XPNPEP3: variants seen among roughly 807,000 people sequenced by gnomAD.
XPNPEP3 encodes X-prolyl aminopeptidase 3.
In XPNPEP3, 41 loss-of-function variants were observed where a neutral mutation model predicts 60.0. The ratio of observed to expected loss-of-function variants is 0.68; its 90% CI spans 0.53 to 0.89. The LOEUF (loss-of-function observed/expected upper bound fraction) is 0.89, where lower values mean the gene tolerates loss of function less well. XPNPEP3 is among the 40% of genes least tolerant of loss of function. The pLI, the probability that XPNPEP3 is intolerant of heterozygous loss-of-function variation, is 0.00. For missense variants in XPNPEP3, 598 were observed against 638.9 expected (o/e 0.94, Z 0.69); for synonymous variants, 212 against 223.2 (o/e 0.95, Z 0.45).
chr22:40,869,137 A>G (rs1424892921), intron 2 of XPNPEP3, 22 bp downstream of exon 2: 12 of 1,587,042 alleles, frequency 7.6e-6, no homozygotes, highest in East Asian at 2.2e-5. Context: ...TAACTGTGCT[A>G]TCTCCCCATT....
Position 40,913,557 on chromosome 22 carries a change from CTT to C in XPNPEP3, c.970-681_970-680del, listed in dbSNP as rs538126053. ...AACGTATATAGGATTGTTTTTTTCT[CTT>C]GTTTCATAAAGCAAAGGCATATGGG... On this transcript the variant is annotated intron_variant, in intron 6 of 9. Coordinates refer to ENST00000357137, the MANE Select transcript of XPNPEP3 (RefSeq NM_022098.4). 2.4e-3 allele frequency among the ~76,000 whole-genome samples: 369 copies of C among 151,082 alleles called. 1 individual carries two copies. Among genetic ancestry groups the C allele is most frequent in the Non-Finnish European group, 4.7e-3 (317 of 67,870 alleles).
intron 2 of XPNPEP3, among the ~76,000 whole-genome samples, chr22:40,877,636 G>A (rs1296306956): frequency 6.6e-6 from 1 of 152,102 alleles, no homozygotes; most frequent in Non-Finnish European, 1.5e-5. Flanking sequence ...GCTTTCGATT[G>A]GCTCAATAAA....
chr22:40,863,906 C>T (rs1014190696), intron 1 of XPNPEP3, among the ~76,000 whole-genome samples: 7 of 152,154 alleles, frequency 4.6e-5, no homozygotes, highest in African/African-American at 7.2e-5. Flanking sequence ...ATTTCTCGGA[C>T]TAGGACTTAA....
Position 40,929,607 on chromosome 22 carries a change from G to GT in XPNPEP3, c.*3174dup, listed in dbSNP as rs1483608028. On this transcript the variant is annotated 3_prime_UTR_variant, in exon 10 of 10. Coordinates refer to ENST00000357137, the MANE Select transcript of XPNPEP3 (RefSeq NM_022098.4). ...TAGATTCCAGTCAAGTTCTATAGGT[G>GT]TTATTGGTAGGCAGAAAGGCTGTTG... 6.6e-6 allele frequency: 1 copy of GT among 152,190 alleles called. No homozygotes were observed. Among genetic ancestry groups the GT allele is most frequent in the African/African-American group, 2.4e-5 (1 of 41,438 alleles). The allele number at this position is 152,190 out of a possible 1,614,324, so 9.4% of individuals were successfully genotyped here.
At chr22:40,868,636 C>G (rs1448813753) in intron 1 of XPNPEP3, among the ~76,000 whole-genome samples, 1 of 152,086 alleles carries the variant, frequency 6.6e-6, no homozygotes, top group African/African-American at 2.4e-5. Flanking sequence ...GGGCGGATCA[C>G]TTGAGGTCAA....
intron 4 of XPNPEP3, among the ~76,000 whole-genome samples, chr22:40,889,790 C>T (rs2146256815): frequency 6.6e-6 from 1 of 152,332 alleles, no homozygotes; most frequent in Non-Finnish European, 1.5e-5. Context: ...TATCACATCA[C>T]TGCACTCCAG....
chr22:40,893,346 A>G (rs970180129), intron 4 of XPNPEP3, among the ~76,000 whole-genome samples: 101 of 150,060 alleles, frequency 6.7e-4, no homozygotes, highest in African/African-American at 2.4e-3. Context: ...AGTCTCTACT[A>G]AAATACAAAA....
In XPNPEP3 at chr22:40,857,196, C is replaced by T. The variant is rs763190598; in HGVS notation, c.15C>T (p.Leu5=). Residue 5 remains leucine (L), a synonymous_variant, in exon 1 of 10, where the codon CTC becomes CTT. Coordinates refer to ENST00000357137, the MANE Select transcript of XPNPEP3 (RefSeq NM_022098.4). MPWL[L]SAPKLVPAVA... Reference sequence around the variant, plus strand: ...GTTAGGCCGTAATGCCTTGGCTGCTCTCAGCCCCCAAGCTGGTTCCCGCTG... The same window carrying T: ...GTTAGGCCGTAATGCCTTGGCTGCTTTCAGCCCCCAAGCTGGTTCCCGCTG... The T allele has an allele frequency of 3.1e-6, 5 of 1,614,112 alleles. No homozygotes were observed. The highest frequency in any genetic ancestry group is 1.7e-5 in the Admixed American group (1 of 60,012).
At chr22:40,884,244 T>C (rs1301010100) in intron 3 of XPNPEP3, among the ~76,000 whole-genome samples, 1 of 152,208 alleles carries the variant, frequency 6.6e-6, no homozygotes, top group Non-Finnish European at 1.5e-5. Flanking sequence ...TTGCTACTTG[T>C]CATGTTCTAC....
At chr22:40,905,397 T>C (rs559326376) in intron 4 of XPNPEP3, among the ~76,000 whole-genome samples, 1 of 152,202 alleles carries the variant, frequency 6.6e-6, no homozygotes, top group South Asian at 2.1e-4. Flanking sequence ...TGATTTTAAT[T>C]GTTCATTATC....
intron 2 of XPNPEP3, among the ~76,000 whole-genome samples, chr22:40,872,480 C>T (rs1255631485): frequency 1.3e-5 from 2 of 149,634 alleles, no homozygotes; most frequent in South Asian, 2.1e-4. Context: ...GACGGAATTT[C>T]GCTCTTGTCG....
chr22:40,885,619 C>T (rs2146253497), intron 3 of XPNPEP3, among the ~76,000 whole-genome samples: 1 of 152,254 alleles, frequency 6.6e-6, no homozygotes, highest in African/African-American at 2.4e-5. Flanking sequence ...GTTTTTCTGT[C>T]CTTCTGTGTG....
In XPNPEP3 at chr22:40,868,852, A is replaced by T. The variant is rs923781402; in HGVS notation, c.65-147A>T. Reference sequence around the variant, plus strand: ...CAGAGTGAGACTCTGTCTTAAAAAAAAAATAAATGAATATTGAAGGAGAGA... The same window carrying T: ...CAGAGTGAGACTCTGTCTTAAAAAATAAATAAATGAATATTGAAGGAGAGA... On this transcript the variant is annotated intron_variant, in intron 1 of 9. Transcript: ENST00000357137. 8 of 680,064 alleles carry T rather than the reference A, an allele frequency of 1.2e-5. No individual in the cohort carries two copies. The African/African-American group carries it at 1.3e-4, about 11-fold the overall frequency. 42.1% of individuals were successfully genotyped at this position (680,064 alleles called of 1,614,324 possible). A position where few individuals can be genotyped will look rare whatever the true frequency, so the allele number is the denominator to read the frequency against.
intron 4 of XPNPEP3, among the ~76,000 whole-genome samples, chr22:40,890,407 C>A (rs1411246816): frequency 6.6e-6 from 1 of 151,020 alleles, no homozygotes; most frequent in Non-Finnish European, 1.5e-5. Context: ...TTTAAAATAG[C>A]CAAGTGTGGT....
At position 40,881,822 on chromosome 22, in the gene XPNPEP3, A is replaced by C. The variant is rs1440581793; in HGVS notation, c.234A>C (p.Lys78Asn). ...SQVEYALRRH[K>N]LMSLIQKEAQ... ...TGGAATATGCACTTCGCAGACACAA[A>C]CTAATGTCTCTGATCCAGAAGGAAG... is the stretch of plus-strand genomic sequence containing the variant. Residue 78 changes from lysine to asparagine, a missense_variant, in exon 3 of 10, where the codon AAA becomes AAC. Physicochemically the swap from Lys to Asn is moderately conservative, Grantham distance 94. Transcript: ENST00000357137. 5 of 1,614,100 alleles carry C rather than the reference A, an allele frequency of 3.1e-6. No homozygotes were observed. Among genetic ancestry groups the C allele is most frequent in the Non-Finnish European group, 3.4e-6 (4 of 1,180,030 alleles).
At chr22:40,862,292 G>C in intron 1 of XPNPEP3, 1 of 1,073,402 alleles carries the variant, frequency 9.3e-7, no homozygotes, top group Non-Finnish European at 1.1e-6. Context: ...CCTCTGGACT[G>C]TTTCCCCTGT....
intron 7 of XPNPEP3, among the ~76,000 whole-genome samples, chr22:40,915,348 G>A (rs2058192458): frequency 1.3e-5 from 2 of 152,080 alleles, no homozygotes; most frequent in Admixed American, 6.6e-5. Flanking sequence ...CCCAAGGCAG[G>A]CAGAGCACCT....
intron 5 of XPNPEP3, 68 bp from the exon 6 acceptor site, chr22:40,909,054 T>A: frequency 7.6e-7 from 1 of 1,322,606 alleles, no homozygotes; most frequent in Non-Finnish European, 1.1e-6. Context: ...TATGGGCTGT[T>A]GAAGAGAGCT....
intron 7 of XPNPEP3, among the ~76,000 whole-genome samples, chr22:40,920,650 T>G (rs924168367): frequency 9.2e-5 from 14 of 152,146 alleles, no homozygotes; most frequent in Non-Finnish European, 1.8e-4. Context: ...GAATCCAGAG[T>G]CTCTGATTAG....
Sources: gnomAD v4.1 joint callset for allele counts (sites outside exome capture counted in the v4.1 genomes callset) on GRCh38, gnomAD v4.1.1 for gene constraint, MANE v1.5 for transcripts, NCBI Gene and HGNC (gene_info 2026-07-23, HGNC 2026-07-21) for gene names.